SIL1: variants seen among roughly 807,000 people sequenced by gnomAD.
SIL1 encodes SIL1 nucleotide exchange factor, also known as nucleotide exchange factor SIL1.
Under a neutral mutation model 49.1 loss-of-function variants are expected in SIL1, and 40 were observed. The observed-to-expected ratio is 0.81, with a 90% CI of 0.63 to 1.06. SIL1 has a LOEUF of 1.06. Among genes scored for constraint, SIL1 ranks in the 50% least tolerant of loss-of-function variants. The pLI, the probability that SIL1 is intolerant of heterozygous loss-of-function variation, is 0.00. For missense variants in SIL1, 500 were observed against 572.6 expected (o/e 0.87, Z 1.29); for synonymous variants, 253 against 250.8 (o/e 1.01, Z -0.08).
At chr5:139,155,084 C>T (rs1238304072) in intron 1 of SIL1, among the ~76,000 whole-genome samples, 1 of 152,108 alleles carries the variant, frequency 6.6e-6, no homozygotes, top group African/African-American at 2.4e-5. Context: ...TACTAAATAC[C>T]GCTGTAAAAA....
chr5:138,975,386 A>G (rs894514905), intron 7 of SIL1, among the ~76,000 whole-genome samples: 1 of 152,118 alleles, frequency 6.6e-6, no homozygotes, highest in African/African-American at 2.4e-5. Context: ...GCAGCTCAGC[A>G]CCGTGAGGCC....
At chr5:138,976,110 G>A (rs949321205) in intron 7 of SIL1, among the ~76,000 whole-genome samples, 23 of 152,150 alleles carry the variant, frequency 1.5e-4, no homozygotes, top group Admixed American at 1.5e-3. Flanking sequence ...TAAGGTCTTA[G>A]AACACTATAT....
rs911706543 is a variant in SIL1 at position 139,154,176 on chromosome 5, T to C, written c.-10-26323A>G. Among the ~76,000 whole-genome samples, 25 of 152,286 alleles carry C rather than the reference T, an allele frequency of 1.6e-4. No homozygotes were observed. In the South Asian group the frequency reaches 4.1e-3, roughly 25 times the overall value. On this transcript the variant is annotated intron_variant, in intron 1 of 9. Transcript: ENST00000394817. ...ATAAGACATCTGCATTTACACAAAA[T>C]GTAAATAACAGTCTCTGTCTATAAT...
At chr5:139,133,598 G>C (rs1423016498) in intron 1 of SIL1, 1 of 152,226 alleles carries the variant, frequency 6.6e-6, no homozygotes, top group Non-Finnish European at 1.5e-5. Context: ...GGCAGCTTCT[G>C]ACACACCTGG....
chr5:139,082,156 C>G (rs1187765622), intron 3 of SIL1, among the ~76,000 whole-genome samples: 1 of 152,194 alleles, frequency 6.6e-6, no homozygotes, highest in Non-Finnish European at 1.5e-5. Flanking sequence ...TTTGGTTACA[C>G]AACTAGTACA....
At chr5:139,045,002 C>A (rs1769122164) in intron 4 of SIL1, among the ~76,000 whole-genome samples, 1 of 152,182 alleles carries the variant, frequency 6.6e-6, no homozygotes, top group African/African-American at 2.4e-5. Flanking sequence ...ATGGACCCTT[C>A]TTCACTCACT....
At position 139,147,570 on chromosome 5, in the gene SIL1, A is replaced by C. The variant is rs556237987; in HGVS notation, c.-10-19717T>G. On this transcript the variant is annotated intron_variant, in intron 1 of 9. Coordinates refer to ENST00000394817, the MANE Select transcript of SIL1 (RefSeq NM_022464.5). ...ATTCACTGCCTCAGCACTCCAGAGG[A>C]GGAGAGCAATCAGCAAGAGAAACAG... Among the ~76,000 whole-genome samples, 12 of 152,316 alleles carry C rather than the reference A, an allele frequency of 7.9e-5. No individual in the cohort carries two copies. In the South Asian group the frequency reaches 2.5e-3, roughly 32 times the overall value.
intron 3 of SIL1, among the ~76,000 whole-genome samples, chr5:139,103,868 CT>C (rs147814582): frequency 0.049 from 7,406 of 152,242 alleles, 580 homozygotes; most frequent in African/African-American, 0.17. Context: ...TACCACAGAT[CT>C]TGTCATTGCC....
chr5:139,009,868 C>T (rs1230405229), intron 7 of SIL1, among the ~76,000 whole-genome samples: 2 of 143,336 alleles, frequency 1.4e-5, no homozygotes, highest in Admixed American at 7.0e-5. Context: ...GAGGGTAACC[C>T]GACCTTTCTC....
chr5:139,005,555 A>T (rs1295852456), intron 7 of SIL1, among the ~76,000 whole-genome samples: 1 of 124,874 alleles, frequency 8.0e-6, no homozygotes, highest in Admixed American at 7.9e-5. Context: ...GCGCCCACTA[A>T]CTCATCATCT....
chr5:139,168,422 C>G (rs887726998), intron 1 of SIL1, among the ~76,000 whole-genome samples: 4 of 152,158 alleles, frequency 2.6e-5, no homozygotes, highest in African/African-American at 9.7e-5. Context: ...GTATGTGTTC[C>G]TGGAGCAGCT....
intron 1 of SIL1, among the ~76,000 whole-genome samples, chr5:139,138,809 G>A (rs1166659518): frequency 2.0e-5 from 3 of 152,126 alleles, no homozygotes; most frequent in African/African-American, 4.8e-5. Flanking sequence ...CAAAAGCAGC[G>A]AGGGCTTCAC....
intron 7 of SIL1, among the ~76,000 whole-genome samples, chr5:139,004,151 A>G (rs1439387960): frequency 6.6e-6 from 1 of 152,138 alleles, no homozygotes; most frequent in Non-Finnish European, 1.5e-5. Flanking sequence ...CTTCATTATT[A>G]TTCGCCTGCT....
intron 3 of SIL1, among the ~76,000 whole-genome samples, chr5:139,093,148 A>G (rs972026690): frequency 6.6e-6 from 1 of 152,136 alleles, no homozygotes; most frequent in African/African-American, 2.4e-5. Flanking sequence ...CACAAAAGGC[A>G]AGTTCAGCCC....
intron 1 of SIL1, among the ~76,000 whole-genome samples, chr5:139,189,938 T>G (rs1021998159): frequency 6.6e-6 from 1 of 152,226 alleles, no homozygotes; most frequent in Non-Finnish European, 1.5e-5. Context: ...AACTAGTCCC[T>G]AGTGCCAAAA....
intron 1 of SIL1, among the ~76,000 whole-genome samples, chr5:139,141,359 GT>G (rs994108715): frequency 6.6e-6 from 1 of 151,992 alleles, no homozygotes; most frequent in Non-Finnish European, 1.5e-5. Context: ...ATAAAAACAG[GT>G]GCTGGCCAGG....
chr5:139,021,929 T>A (rs1768538887), intron 6 of SIL1: 1 of 171,192 alleles, frequency 5.8e-6, no homozygotes, highest in Non-Finnish European at 1.3e-5. Flanking sequence ...TGGCTATGTA[T>A]CAGACAGTGC....
At chr5:139,105,773 T>G (rs1770692736) in intron 3 of SIL1, among the ~76,000 whole-genome samples, 1 of 152,208 alleles carries the variant, frequency 6.6e-6, no homozygotes, top group South Asian at 2.1e-4. Flanking sequence ...GAGCACAGGC[T>G]TATGTTCCCA....
At chr5:138,951,906 G>A in intron 7 of SIL1, 22 bp from the exon 8 acceptor site, 1 of 1,596,484 alleles carries the variant, frequency 6.3e-7, no homozygotes. Context: ...GCACAGGACA[G>A]CATGACTACC....
Sources: gnomAD v4.1 joint callset for allele counts (sites outside exome capture counted in the v4.1 genomes callset) on GRCh38, gnomAD v4.1.1 for gene constraint, MANE v1.5 for transcripts, NCBI Gene and HGNC (gene_info 2026-07-23, HGNC 2026-07-21) for gene names.